The following SPIRE1 variants were observed in gnomAD, a reference collection of about 807,000 sequenced individuals.
The protein encoded by SPIRE1 is spire type actin nucleation factor 1, also known as protein spire homolog 1.
SPIRE1 carries 40 observed loss-of-function variants against 94.1 expected under a neutral mutation model. The ratio of observed to expected loss-of-function variants is 0.43; its 90% CI spans 0.33 to 0.55. The LOEUF is 0.55. SPIRE1 is among the 20% of genes least tolerant of loss of function. SPIRE1 has a pLI of 0.06. For synonymous variants in SPIRE1, 376 were observed against 371.7 expected, an observed-to-expected ratio of 1.01 and a Z score of -0.13; for missense variants, 838 against 975.2, an observed-to-expected ratio of 0.86 and a Z score of 1.87.
upstream of SPIRE1, among the ~76,000 whole-genome samples, chr18:12,660,691 T>C (rs912386359): frequency 6.6e-6 from 1 of 152,046 alleles, no homozygotes; most frequent in Non-Finnish European, 1.5e-5. Flanking sequence ...TTTTAACATA[T>C]ACACATTTTG....
chr18:12,496,598 G>C (rs2033467489), intron 6 of SPIRE1, among the ~76,000 whole-genome samples: 2 of 152,002 alleles, frequency 1.3e-5, no homozygotes, highest in African/African-American at 4.8e-5. Context: ...GGCTGGGTGT[G>C]GTGGCTCACG....
intron 2 of SPIRE1, among the ~76,000 whole-genome samples, chr18:12,571,120 GC>G (rs1156716516): frequency 6.6e-6 from 1 of 152,026 alleles, no homozygotes; most frequent in African/African-American, 2.4e-5. Flanking sequence ...TGTCACCCAG[GC>G]TGAAACGCAG....
At chr18:12,597,616 A>G (rs2036713787) in intron 2 of SPIRE1, among the ~76,000 whole-genome samples, 1 of 152,152 alleles carries the variant, frequency 6.6e-6, no homozygotes, top group Non-Finnish European at 1.5e-5. Context: ...AAGAAGAAAT[A>G]ATTTGCTGTA....
chr18:12,476,580 TATATATATAC>T (rs1407072204), intron 10 of SPIRE1, among the ~76,000 whole-genome samples: 4 of 127,094 alleles, frequency 3.1e-5, no homozygotes, highest in Admixed American at 8.7e-5. Flanking sequence ...TATATATATA[TATATATATAC>T]ACACACACAC....
chr18:12,605,017 C>T (rs992815684), intron 2 of SPIRE1, among the ~76,000 whole-genome samples: 10 of 151,760 alleles, frequency 6.6e-5, no homozygotes, highest in Non-Finnish European at 1.5e-4. Flanking sequence ...ACTGGTAATT[C>T]CACTTCTATG....
intron 4 of SPIRE1, among the ~76,000 whole-genome samples, chr18:12,532,535 G>A (rs547256540): frequency 2.6e-5 from 4 of 152,088 alleles, no homozygotes; most frequent in East Asian, 3.9e-4. Context: ...TTTTAATTTC[G>A]TTGAATCAGT....
intron 2 of SPIRE1, among the ~76,000 whole-genome samples, chr18:12,568,160 C>T (rs772462540): frequency 2.2e-4 from 34 of 152,180 alleles, no homozygotes; most frequent in Non-Finnish European, 4.3e-4. Context: ...GCTGGGGTTC[C>T]CCTTACTAAT....
intron 4 of SPIRE1, among the ~76,000 whole-genome samples, chr18:12,533,265 G>C (rs2034740105): frequency 1.3e-5 from 2 of 152,216 alleles, no homozygotes; most frequent in African/African-American, 4.8e-5. Context: ...ACCTCGGTCA[G>C]CCTGGCCAGT....
chr18:12,595,027 C>T (rs1335689602), intron 2 of SPIRE1, among the ~76,000 whole-genome samples: 1 of 152,196 alleles, frequency 6.6e-6, no homozygotes, highest in Non-Finnish European at 1.5e-5. Context: ...CCTGCAATCC[C>T]AGCACTTTGG....
intron 2 of SPIRE1, among the ~76,000 whole-genome samples, chr18:12,568,188 G>A (rs1347379839): frequency 3.3e-5 from 5 of 152,190 alleles, no homozygotes; most frequent in Admixed American, 1.3e-4. Flanking sequence ...TCACAGTCAT[G>A]GTGAAAGTGT....
rs897144973 is a variant in SPIRE1 at position 12,452,149 on chromosome 18, C to T, written c.2012+106G>A. On this transcript the variant is annotated intron_variant, in intron 16 of 16. Coordinates refer to ENST00000409402, the MANE Select transcript of SPIRE1 (RefSeq NM_001128626.2). ...AACTGTATTAAAACCAACCAACAAA[C>T]CAATAAAAACCCCTCGAGCCAAAAC... is the stretch of plus-strand genomic sequence containing the variant. 2.2e-6 allele frequency: 3 copies of T among 1,379,870 alleles called. No homozygotes were observed. The Admixed American group carries it at 7.0e-5, about 32-fold the overall frequency. 85.5% of individuals were successfully genotyped at this position (1,379,870 alleles called of 1,614,324 possible).
chr18:12,596,809 C>T (rs1359068012), intron 2 of SPIRE1, among the ~76,000 whole-genome samples: 2 of 151,982 alleles, frequency 1.3e-5, no homozygotes. Context: ...TTGTAATTTA[C>T]CTTAATTCAT....
In SPIRE1 at chr18:12,447,112, C is replaced by T. The variant is rs925390610; in HGVS notation, c.*2526G>A. 3 of 152,148 alleles carry T rather than the reference C, an allele frequency of 2.0e-5. No homozygotes were observed. The highest frequency in any genetic ancestry group is 3.1e-3 in the Middle Eastern group (1 of 318). The allele number at this position is 152,148 out of a possible 1,614,324, so 9.4% of individuals were successfully genotyped here. On this transcript the variant is annotated 3_prime_UTR_variant, in exon 17 of 17. Coordinates refer to ENST00000409402, the MANE Select transcript of SPIRE1 (RefSeq NM_001128626.2). The stretch of plus-strand genomic sequence containing the variant: ...CCATGGAGAGGGAAGCACAGGTTTC[C>T]CAATAGTGTGACTTCATGACGTATG...
At chr18:12,505,008 G>C (rs1463506064) in intron 6 of SPIRE1, among the ~76,000 whole-genome samples, 1 of 152,168 alleles carries the variant, frequency 6.6e-6, no homozygotes, top group South Asian at 2.1e-4. Context: ...TGAGGTCTGA[G>C]AGGTAACCTG....
In SPIRE1 at chr18:12,647,159, G is replaced by A. The variant is rs574859770; in HGVS notation, c.337+10371C>T. Among the ~76,000 whole-genome samples, 7 of 151,890 alleles carry A rather than the reference G, an allele frequency of 4.6e-5. No individual in the cohort carries two copies. The South Asian group carries it at 8.4e-4, about 18-fold the overall frequency. On this transcript the variant is annotated intron_variant, in intron 1 of 16. Transcript: ENST00000409402. Reference sequence around the variant, plus strand: ...ATATAAACCCTCCATATACCTAATCGAATCCTTTTTAAATTTATACTAATG... The same window carrying A: ...ATATAAACCCTCCATATACCTAATCAAATCCTTTTTAAATTTATACTAATG...
At chr18:12,478,377 AGT>A (rs150214688) in intron 10 of SPIRE1, among the ~76,000 whole-genome samples, 2,114 of 132,534 alleles carry the variant, frequency 0.016, 14 homozygotes, top group African/African-American at 0.023. Flanking sequence ...ATGAAGCTAG[AGT>A]GTGTGTGTGC....
At chr18:12,596,347 G>A (rs1344925669) in intron 2 of SPIRE1, among the ~76,000 whole-genome samples, 1 of 152,044 alleles carries the variant, frequency 6.6e-6, no homozygotes, top group African/African-American at 2.4e-5. Context: ...TCCTTATTTT[G>A]CCTTTGTCAT....
rs897940082 is a variant in SPIRE1 at position 12,644,217 on chromosome 18, G to A, written c.338-9121C>T. 1.3e-4 allele frequency among the ~76,000 whole-genome samples: 14 copies of A among 111,638 alleles called. No homozygotes were observed. In the South Asian group the frequency reaches 1.3e-3, roughly 11 times the overall value. 73.2% of individuals were successfully genotyped at this position (111,638 alleles called of 152,430 possible). ...CCATCTCAAAAAAAAAAAAAAAAAA[G>A]GTCAGGGTTAGGGGGCAACTATCAT... is the stretch of plus-strand genomic sequence containing the variant. On this transcript the variant is annotated intron_variant, in intron 1 of 16. Coordinates refer to ENST00000409402, the MANE Select transcript of SPIRE1 (RefSeq NM_001128626.2).
chr18:12,583,070 T>C (rs1482894008), intron 2 of SPIRE1, among the ~76,000 whole-genome samples: 1 of 152,226 alleles, frequency 6.6e-6, no homozygotes, highest in East Asian at 1.9e-4. Flanking sequence ...TATGTGATTT[T>C]TAAAGAAGGC....
Sources: gnomAD v4.1 joint callset for allele counts (sites outside exome capture counted in the v4.1 genomes callset) on GRCh38, gnomAD v4.1.1 for gene constraint, MANE v1.5 for transcripts, NCBI Gene and HGNC (gene_info 2026-07-23, HGNC 2026-07-21) for gene names.